The following XIRP2 variants were observed in gnomAD, a reference collection of about 807,000 sequenced individuals.
The protein encoded by XIRP2 is xin actin-binding repeat-containing protein 2.
In XIRP2, 236 loss-of-function variants were observed where a neutral mutation model predicts 277.0. The observed-to-expected ratio is 0.85, with a 90% CI of 0.77 to 0.95. The LOEUF (loss-of-function observed/expected upper bound fraction) is 0.95. Among genes scored for constraint, XIRP2 ranks in the 40% least tolerant of loss-of-function variants. The pLI is 0.00. For missense variants in XIRP2, 4,640 were observed against 4,157.5 expected, an observed-to-expected ratio of 1.12 and a Z score of -3.19; for synonymous variants, 1,490 against 1,416.5, an observed-to-expected ratio of 1.05 and a Z score of -1.17.
At chr2:167,007,315 G>C (rs185408704) in intron 2 of XIRP2, among the ~76,000 whole-genome samples, 1 of 151,544 alleles carries the variant, frequency 6.6e-6, no homozygotes, top group Non-Finnish European at 1.5e-5. Flanking sequence ...TATTTTAAAA[G>C]TTAGGGTTCC....
intron 3 of XIRP2, among the ~76,000 whole-genome samples, chr2:167,199,062 G>T (rs1460359908): frequency 6.6e-6 from 1 of 152,156 alleles, no homozygotes; most frequent in African/African-American, 2.4e-5. Flanking sequence ...GAGAAAAGCT[G>T]CCAGGGTGTC....
intron 2 of XIRP2, among the ~76,000 whole-genome samples, chr2:167,095,164 T>G (rs1219962144): frequency 6.6e-6 from 1 of 152,232 alleles, no homozygotes; most frequent in Non-Finnish European, 1.5e-5. Context: ...ACATTGATTT[T>G]GTATCCTGAG....
intron 3 of XIRP2, among the ~76,000 whole-genome samples, chr2:167,163,366 A>C (rs139241788): frequency 1.1e-4 from 17 of 152,284 alleles, no homozygotes; most frequent in African/African-American, 3.8e-4. Flanking sequence ...ATTCAAGTGG[A>C]TATGAGTTGT....
chr2:167,063,539 A>G (rs146873294), intron 2 of XIRP2, among the ~76,000 whole-genome samples: 11 of 152,016 alleles, frequency 7.2e-5, no homozygotes, highest in African/African-American at 2.6e-4. Flanking sequence ...TTCTGTTTGC[A>G]TGGGATGTAA....
intron 4 of XIRP2, among the ~76,000 whole-genome samples, chr2:167,212,172 T>G (rs985625770): frequency 6.6e-6 from 1 of 152,186 alleles, no homozygotes; most frequent in African/African-American, 2.4e-5. Flanking sequence ...TGTGCAGAAG[T>G]GACATAAGTA....
chr2:167,238,198 C>T (rs1402043336), intron 5 of XIRP2, among the ~76,000 whole-genome samples: 1 of 152,100 alleles, frequency 6.6e-6, no homozygotes, highest in East Asian at 1.9e-4. Context: ...ATTATGTGAA[C>T]TTTTCCTTAG....
chr2:166,929,078 G>A (rs1210551555), intron 2 of XIRP2, among the ~76,000 whole-genome samples: 1 of 151,784 alleles, frequency 6.6e-6, no homozygotes, highest in Non-Finnish European at 1.5e-5. Context: ...AGCAGCCTCA[G>A]CCTCACCTGT....
intron 2 of XIRP2, among the ~76,000 whole-genome samples, chr2:167,026,446 C>T (rs1380245565): frequency 6.6e-6 from 1 of 152,046 alleles, no homozygotes; most frequent in Non-Finnish European, 1.5e-5. Context: ...GAGCATTTAT[C>T]CCATTGATAT....
At chr2:167,087,368 A>T (rs1233664464) in intron 2 of XIRP2, among the ~76,000 whole-genome samples, 6 of 150,574 alleles carry the variant, frequency 4.0e-5, no homozygotes, top group African/African-American at 1.5e-4. Flanking sequence ...GGGACATTTA[A>T]GTCTGCAGAG....
intron 3 of XIRP2, among the ~76,000 whole-genome samples, chr2:167,167,075 A>T (rs192225720): frequency 1.3e-5 from 2 of 152,302 alleles, no homozygotes; most frequent in Admixed American, 1.3e-4. Flanking sequence ...TCCTTTGTCA[A>T]TATGCAATAC....
At chr2:166,933,186 T>C (rs1246424061) in intron 2 of XIRP2, among the ~76,000 whole-genome samples, 1 of 151,462 alleles carries the variant, frequency 6.6e-6, no homozygotes, top group Non-Finnish European at 1.5e-5. Flanking sequence ...ACTTGCTCTG[T>C]CGCCCAGGCT....
chr2:167,001,593 A>G (rs1291800312), intron 2 of XIRP2, among the ~76,000 whole-genome samples: 3 of 152,172 alleles, frequency 2.0e-5, no homozygotes, highest in South Asian at 2.1e-4. Context: ...CTATCAATCA[A>G]TGAAATTCTT....
Position 167,243,169 on chromosome 2 carries a change from TC to T in XIRP2, c.1778del (p.Ser593PhefsTer22). 3 of 1,614,140 alleles carry T rather than the reference TC, an allele frequency of 1.9e-6. No homozygotes were observed. The highest frequency in any genetic ancestry group is 2.5e-6 in the Non-Finnish European group (3 of 1,179,990). ...NQPLDSINNG[S>X]PDEGDISRGI... Reference sequence around the variant, plus strand: ...ACCATTGGATTCCATCAACAATGGCTCTCCTGATGAAGGTGATATTTCCAGG... The same window carrying T: ...ACCATTGGATTCCATCAACAATGGCTTCCTGATGAAGGTGATATTTCCAGG... On this transcript the variant is annotated frameshift_variant, in exon 9 of 11. Coordinates refer to ENST00000409195, the MANE Select transcript of XIRP2 (RefSeq NM_152381.6). LOFTEE classifies it high-confidence loss of function.
At position 167,052,852 on chromosome 2, in the gene XIRP2, G is replaced by A. The variant is rs570810545; in HGVS notation, c.409-83057G>A. ...TACCAGCCATGAAAAAGTATTTGAG[G>A]GACTTAGTCTTCTTAAAAGAACTGA... On this transcript the variant is annotated intron_variant, in intron 2 of 10. Coordinates refer to ENST00000409195, the MANE Select transcript of XIRP2 (RefSeq NM_152381.6). Among the ~76,000 whole-genome samples, 8 of 152,188 alleles carry A rather than the reference G, an allele frequency of 5.3e-5. No homozygotes were observed. In the South Asian group the frequency reaches 1.7e-3, roughly 32 times the overall value.
At chr2:167,187,144 G>A in intron 3 of XIRP2, 1 of 582,886 alleles carries the variant, frequency 1.7e-6, no homozygotes, top group Non-Finnish European at 2.2e-6. Flanking sequence ...TTCAGAGTTG[G>A]CTGGTGGTCG....
intron 2 of XIRP2, among the ~76,000 whole-genome samples, chr2:167,045,727 C>T (rs1688770533): frequency 6.6e-6 from 1 of 151,644 alleles, no homozygotes; most frequent in Non-Finnish European, 1.5e-5. Flanking sequence ...TAAAAAGTCA[C>T]AAAATACATG....
At chr2:167,014,225 C>G (rs1031375145) in intron 2 of XIRP2, among the ~76,000 whole-genome samples, 1 of 151,250 alleles carries the variant, frequency 6.6e-6, no homozygotes. Flanking sequence ...TTAAAAGGGA[C>G]AGTCAAAAAT....
rs779236653 is a variant in XIRP2 at position 167,064,656 on chromosome 2, C to T, written c.409-71253C>T. Among the ~76,000 whole-genome samples the T allele has an allele frequency of 4.0e-5, 6 of 151,840 alleles. No homozygotes were observed. The South Asian group carries it at 1.2e-3, about 31-fold the overall frequency. On this transcript the variant is annotated intron_variant, in intron 2 of 10. Transcript: ENST00000409195. ...AATTTCTATACTCATTAAACAGCAA[C>T]TCCCCTTTCCATTCTCCTTGTGCCT... is the stretch of plus-strand genomic sequence containing the variant.
intron 2 of XIRP2, among the ~76,000 whole-genome samples, chr2:167,069,224 T>A (rs182028610): frequency 1.3e-5 from 2 of 152,342 alleles, no homozygotes; most frequent in Admixed American, 1.3e-4. Flanking sequence ...TGCTTCAAAT[T>A]TTCAAGTTTT....
Sources: allele counts gnomAD v4.1 joint callset (sites outside exome capture counted in the v4.1 genomes callset), GRCh38; gene constraint gnomAD v4.1.1; transcripts MANE v1.5; gene names NCBI Gene and HGNC (gene_info 2026-07-23, HGNC 2026-07-21).